The following ABLIM3 variants were observed in gnomAD, a reference collection of about 807,000 sequenced individuals.
The protein encoded by ABLIM3 is actin binding LIM protein family member 3, also known as actin-binding LIM protein 3.
Under a neutral mutation model 109.5 loss-of-function variants are expected in ABLIM3, and 61 were observed. The observed-to-expected ratio is 0.56, with a 90% CI of 0.45 to 0.69. The LOEUF (loss-of-function observed/expected upper bound fraction) is 0.69, where lower values mean the gene tolerates loss of function less well. Ranked by LOEUF, ABLIM3 falls within the 30% of genes least tolerant of loss-of-function variation. ABLIM3 has a pLI of 0.00. For missense variants in ABLIM3, 796 were observed against 889.5 expected (o/e 0.89, Z 1.34); for synonymous variants, 300 against 324.8 (o/e 0.92, Z 0.82).
Position 149,259,100 on chromosome 5 carries a change from C to G in ABLIM3, c.*696C>G. The G allele has an allele frequency of 9.9e-7, 1 of 1,012,438 alleles. No homozygotes were observed. Among genetic ancestry groups the G allele is most frequent in the Non-Finnish European group, 1.2e-6 (1 of 846,462 alleles). The allele number at this position is 1,012,438 out of a possible 1,614,324, so 62.7% of individuals were successfully genotyped here. Reference sequence around the variant, plus strand: ...GAAAAGGAAAAGGCCCTTCCCTTCCCTCCACCACTTCCAACTGGCCCCTTT... The same window carrying G: ...GAAAAGGAAAAGGCCCTTCCCTTCCGTCCACCACTTCCAACTGGCCCCTTT... On this transcript the variant is annotated 3_prime_UTR_variant, in exon 24 of 24. Transcript: ENST00000309868.
intron 16 of ABLIM3, among the ~76,000 whole-genome samples, chr5:149,245,785 T>A (rs941504954): frequency 6.6e-6 from 1 of 152,032 alleles, no homozygotes; most frequent in Non-Finnish European, 1.5e-5. Context: ...GGGGGAAATT[T>A]TTCCCCCCAT....
At chr5:149,142,380 G>T (rs1752548110) in intron 2 of ABLIM3, among the ~76,000 whole-genome samples, 1 of 152,194 alleles carries the variant, frequency 6.6e-6, no homozygotes. Flanking sequence ...GCCTGGGAAG[G>T]CCTAGGAAGC....
chr5:149,248,712 A>G (rs181462758), intron 18 of ABLIM3, among the ~76,000 whole-genome samples: 3 of 150,562 alleles, frequency 2.0e-5, no homozygotes, highest in African/African-American at 4.9e-5. Flanking sequence ...AAAAAAAAAG[A>G]ACGATGTCTT....
At chr5:149,229,633 C>G (rs562077144) in intron 8 of ABLIM3, among the ~76,000 whole-genome samples, 1 of 152,386 alleles carries the variant, frequency 6.6e-6, no homozygotes, top group Non-Finnish European at 1.5e-5. Context: ...CAAAGTCAGA[C>G]AAACAAATGC....
intron 22 of ABLIM3, chr5:149,252,511 G>A (rs759282405): frequency 5.5e-6 from 3 of 548,518 alleles, no homozygotes; most frequent in Non-Finnish European, 6.4e-6. Flanking sequence ...ATTATTCCAT[G>A]GGCACATGGC....
intron 2 of ABLIM3, among the ~76,000 whole-genome samples, chr5:149,163,784 A>AC (rs1302897335): frequency 1.3e-5 from 2 of 152,114 alleles, no homozygotes; most frequent in African/African-American, 4.8e-5. Context: ...GGACAGGAGG[A>AC]CCCAATTCAG....
intron 10 of ABLIM3, among the ~76,000 whole-genome samples, chr5:149,234,738 C>T (rs1310277843): frequency 6.6e-6 from 1 of 152,130 alleles, no homozygotes; most frequent in Non-Finnish European, 1.5e-5. Flanking sequence ...GGGGCCAGAC[C>T]ACAGCAGGAT....
chr5:149,207,055 G>A lies in ABLIM3; in HGVS notation c.496G>A (p.Ala166Thr). 1 of 1,613,970 alleles carries A rather than the reference G, an allele frequency of 6.2e-7. No individual in the cohort carries two copies. Among genetic ancestry groups the A allele is most frequent in the Non-Finnish European group, 8.5e-7 (1 of 1,179,970 alleles). The stretch of plus-strand genomic sequence containing the variant: ...GATCAAGCACGGCCAGTCACTCCTG[G>A]CTCTGGACAAGCAGTGGCACGTCAG... Reference protein sequence around the residue: ...EEIKHGQSLLALDKQWHVSCF... With the variant: ...EEIKHGQSLLTLDKQWHVSCF... Residue 166 changes from alanine to threonine, a missense_variant, in exon 6 of 24, where the codon GCT (alanine) becomes ACT (threonine). Physicochemically the swap from Ala to Thr is moderately conservative, Grantham distance 58 (BLOSUM62 0). Transcript: ENST00000309868.
At chr5:149,161,541 A>G (rs758578200) in intron 2 of ABLIM3, among the ~76,000 whole-genome samples, 2 of 152,210 alleles carry the variant, frequency 1.3e-5, no homozygotes, top group African/African-American at 4.8e-5. Flanking sequence ...CCTCTGGCCC[A>G]CACGTTAATT....
chr5:149,229,449 G>A (rs1356195190), intron 8 of ABLIM3, among the ~76,000 whole-genome samples: 2 of 152,212 alleles, frequency 1.3e-5, no homozygotes, highest in Non-Finnish European at 2.9e-5. Flanking sequence ...GACCCAGAGA[G>A]AGGATGTGTT....
Position 149,210,773 on chromosome 5 carries a change from T to A in ABLIM3, c.623T>A (p.Ile208Asn). ...TCCGACTACCATGCCCAGTTTGGCA[T>A]TAAATGTGAGACTTGTGACCGATAC... ...CESDYHAQFG[I>N]KCETCDRYIS... The change falls in exon 7 of 24, where the codon ATT (isoleucine) becomes AAT (asparagine). Residue 208 changes from isoleucine to asparagine, a missense_variant. Ile to Asn is a moderately radical substitution (Grantham distance 149). Transcript: ENST00000309868. The A allele has an allele frequency of 6.2e-7, 1 of 1,614,140 alleles. No homozygotes were observed. Among genetic ancestry groups the A allele is most frequent in the Non-Finnish European group, 8.5e-7 (1 of 1,179,984 alleles).
At chr5:149,149,428 T>C (rs1240989268) in intron 2 of ABLIM3, among the ~76,000 whole-genome samples, 1 of 152,220 alleles carries the variant, frequency 6.6e-6, no homozygotes, top group African/African-American at 2.4e-5. Flanking sequence ...CTAAATCCTC[T>C]GATTAAAAAT....
chr5:149,159,566 T>A (rs1274078153), intron 2 of ABLIM3, among the ~76,000 whole-genome samples: 1 of 152,184 alleles, frequency 6.6e-6, no homozygotes, highest in Non-Finnish European at 1.5e-5. Flanking sequence ...AGTATGTGTG[T>A]ATATACCTAT....
At chr5:149,154,463 AT>A (rs887040146) in intron 2 of ABLIM3, among the ~76,000 whole-genome samples, 32 of 152,184 alleles carry the variant, frequency 2.1e-4, no homozygotes, top group African/African-American at 7.7e-4. Context: ...CTGAAGCTCA[AT>A]CCCCATCAGA....
intron 21 of ABLIM3, among the ~76,000 whole-genome samples, chr5:149,251,790 C>G (rs554544739): frequency 3.4e-4 from 52 of 152,340 alleles, no homozygotes; most frequent in African/African-American, 1.0e-3. Context: ...GCTTCCTGCT[C>G]TCTGCCAGTG....
intron 7 of ABLIM3, among the ~76,000 whole-genome samples, chr5:149,214,400 G>A (rs1259779603): frequency 3.3e-5 from 5 of 152,196 alleles, no homozygotes; most frequent in East Asian, 1.9e-4. Context: ...CGGCACGCCC[G>A]GTGGAAAAAA....
chr5:149,227,070 CAA>C (rs70973514), intron 8 of ABLIM3, among the ~76,000 whole-genome samples: 98 of 96,280 alleles, frequency 1.0e-3, no homozygotes, highest in African/African-American at 3.5e-3. Flanking sequence ...AACTCCATCT[CAA>C]AAAAAAAAAA....
chr5:149,247,645 G>A, intron 17 of ABLIM3, 137 bp from the exon 18 acceptor site: 1 of 1,114,480 alleles, frequency 9.0e-7, no homozygotes, highest in Non-Finnish European at 1.3e-6. Flanking sequence ...GTGCCACAAG[G>A]TGGGAGGGAC....
intron 2 of ABLIM3, among the ~76,000 whole-genome samples, chr5:149,165,856 G>A (rs921855565): frequency 7.9e-5 from 12 of 152,106 alleles, no homozygotes; most frequent in African/African-American, 2.2e-4. Context: ...CACAAGTACC[G>A]GGTGCTAGTC....
Sources: allele counts gnomAD v4.1 joint callset (sites outside exome capture counted in the v4.1 genomes callset), GRCh38; gene constraint gnomAD v4.1.1; transcripts MANE v1.5; gene names NCBI Gene and HGNC (gene_info 2026-07-23, HGNC 2026-07-21).